Variants in STK35 observed in about 807,000 individuals in gnomAD.
The protein encoded by STK35 is serine/threonine-protein kinase 35.
Under a neutral mutation model 37.3 loss-of-function variants are expected in STK35, and 17 were observed. That is an observed-to-expected ratio of 0.46 (90% CI 0.31 to 0.68). STK35 has a LOEUF of 0.68. Among genes scored for constraint, STK35 ranks in the 30% least tolerant of loss-of-function variants. The probability of loss-of-function intolerance (pLI) is 0.05; values close to 1 mark genes in which losing one functional copy is unlikely to be tolerated. For missense variants in STK35, 595 were observed against 746.7 expected, an observed-to-expected ratio of 0.80 and a Z score of 2.37; for synonymous variants, 385 against 319.1, an observed-to-expected ratio of 1.21 and a Z score of -2.20.
At chr20:2,123,609 C>A (rs1281556268) in intron 3 of STK35, among the ~76,000 whole-genome samples, 1 of 152,196 alleles carries the variant, frequency 6.6e-6, no homozygotes, top group African/African-American at 2.4e-5. Context: ...TGTTGTTACG[C>A]ACGCTATAGC....
rs1985942081 is a variant in STK35 at position 2,128,368 on chromosome 20, T to G, written c.*37+10953T>G. 2.0e-5 allele frequency among the ~76,000 whole-genome samples: 3 copies of G among 152,166 alleles called. No homozygotes were observed. In the South Asian group the frequency reaches 6.2e-4, roughly 32 times the overall value. On this transcript the variant is annotated intron_variant, in intron 3 of 3. Transcript: ENST00000381482. ...GTCCTGGCTTCTATAATTCCATAAG[T>G]AATTGTATAATTACCTAGCACTGTG...
intron 3 of STK35, among the ~76,000 whole-genome samples, chr20:2,121,745 C>T (rs1985821438): frequency 6.6e-6 from 1 of 152,020 alleles, no homozygotes; most frequent in Admixed American, 6.6e-5. Flanking sequence ...GAAAAGACAT[C>T]AAGAGGAGGA....
intron 2 of STK35, 38 bp from the exon 3 acceptor site, chr20:2,116,628 C>T: frequency 6.3e-7 from 1 of 1,576,800 alleles, no homozygotes; most frequent in East Asian, 2.2e-5. Context: ...TGACTGTGTC[C>T]ATCTCACTCA....
rs767453015 is a variant in STK35 at position 2,117,386 on chromosome 20, G to A, written c.*8G>A. 28 of 1,580,450 alleles carry A rather than the reference G, an allele frequency of 1.8e-5. No homozygotes were observed. Among genetic ancestry groups the A allele is most frequent in the Non-Finnish European group, 2.2e-5 (25 of 1,161,062 alleles). ...GTCACATGTGCTGCTTAAAATTCAGGGCTAAGCATTTTGGGTGATTTTAAA... is the reference window on the plus strand; with the variant it reads ...GTCACATGTGCTGCTTAAAATTCAGAGCTAAGCATTTTGGGTGATTTTAAA... On this transcript the variant is annotated 3_prime_UTR_variant, in exon 3 of 4. Coordinates refer to ENST00000381482, the MANE Select transcript of STK35 (RefSeq NM_080836.4). This position sits in a 1 kb window ranked among gnomAD's most constrained non-coding sequence, Gnocchi z 4.4.
In STK35 at chr20:2,117,435, G is replaced by T. The variant is rs57420682; in HGVS notation, c.*37+20G>T. 8.4e-3 allele frequency: 11,469 copies of T among 1,371,356 alleles called. 726 individuals carry two copies. In the African/African-American group the frequency reaches 0.15, roughly 17 times the overall value. The allele number at this position is 1,371,356 out of a possible 1,614,324, so 84.9% of individuals were successfully genotyped here. Reference sequence around the variant, plus strand: ...AACTAGGTGAGTGCTCTCTGTTGTTGTTTTTTGTTTTTTGTTTTGAGACAG... The same window carrying T: ...AACTAGGTGAGTGCTCTCTGTTGTTTTTTTTTGTTTTTTGTTTTGAGACAG... On this transcript the variant is annotated intron_variant, in intron 3 of 3. Coordinates refer to ENST00000381482, the MANE Select transcript of STK35 (RefSeq NM_080836.4). This position sits in a 1 kb window ranked among gnomAD's most constrained non-coding sequence, Gnocchi z 4.4.
intron 3 of STK35, among the ~76,000 whole-genome samples, chr20:2,132,403 C>T (rs575100456): frequency 1.3e-5 from 2 of 152,350 alleles, no homozygotes; most frequent in East Asian, 1.9e-4. Flanking sequence ...GTGAAGAGTG[C>T]CTATCCCTGG....
At position 2,123,419 on chromosome 20, in the gene STK35, C is replaced by CT. The variant is rs751578819; in HGVS notation, c.*37+6005dup. Among the ~76,000 whole-genome samples the CT allele has an allele frequency of 7.2e-5, 11 of 152,270 alleles. No individual in the cohort carries two copies. The South Asian group carries it at 1.5e-3, about 20-fold the overall frequency. On this transcript the variant is annotated intron_variant, in intron 3 of 3. Transcript: ENST00000381482. The stretch of plus-strand genomic sequence containing the variant: ...GGGTGACCTGCGTTGGCCCCTTGAC[C>CT]TGCGCTTCAGATTTTACTTCTATTT...
intron 3 of STK35, among the ~76,000 whole-genome samples, chr20:2,143,346 G>A (rs1487964436): frequency 1.3e-5 from 2 of 152,232 alleles, no homozygotes; most frequent in Non-Finnish European, 2.9e-5. Context: ...GAGGGTTGCT[G>A]TGGCGTTTCT....
chr20:2,111,105 G>A (rs1048243471), intron 2 of STK35, among the ~76,000 whole-genome samples: 3 of 152,078 alleles, frequency 2.0e-5, no homozygotes, highest in African/African-American at 7.2e-5. Context: ...AAACTTCTAA[G>A]ACCTTTCACA....
At chr20:2,103,953 AG>A (rs1030655284) in intron 2 of STK35, among the ~76,000 whole-genome samples, 32 of 152,148 alleles carry the variant, frequency 2.1e-4, no homozygotes, top group African/African-American at 7.2e-4. Flanking sequence ...TGGTCCTCTG[AG>A]GGGTGCAGGC....
intron 3 of STK35, among the ~76,000 whole-genome samples, chr20:2,138,600 C>T (rs77851109): frequency 0.033 from 5,076 of 152,290 alleles, 151 homozygotes; most frequent in Middle Eastern, 0.12. Context: ...CGATAAACCT[C>T]GTGGTTACCA....
At chr20:2,130,893 C>T (rs1176184098) in intron 3 of STK35, among the ~76,000 whole-genome samples, 1 of 152,082 alleles carries the variant, frequency 6.6e-6, no homozygotes, top group East Asian at 1.9e-4. Context: ...GTTTGAATGA[C>T]AATAGAGGGC....
At chr20:2,102,736 C>T in intron 1 of STK35, 32 bp from the exon 2 acceptor site, 2 of 1,389,698 alleles carry the variant, frequency 1.4e-6, no homozygotes, top group East Asian at 3.1e-5. Context: ...CCCGCCTTGG[C>T]CTGGCCGTTT....
intron 3 of STK35, among the ~76,000 whole-genome samples, chr20:2,138,944 T>C (rs570357632): frequency 3.9e-5 from 6 of 152,314 alleles, no homozygotes; most frequent in Admixed American, 1.3e-4. Flanking sequence ...GGAGGGTTGT[T>C]GAGCCCAGGA....
intron 2 of STK35, among the ~76,000 whole-genome samples, chr20:2,108,808 A>G (rs1219393204): frequency 6.6e-6 from 1 of 152,150 alleles, no homozygotes; most frequent in East Asian, 1.9e-4. Context: ...TTTATAGTAT[A>G]AACTCTCGAG....
intron 2 of STK35, among the ~76,000 whole-genome samples, chr20:2,106,760 G>A (rs1985523442): frequency 6.6e-6 from 1 of 152,188 alleles, no homozygotes; most frequent in African/African-American, 2.4e-5. Flanking sequence ...TTGTTTGATA[G>A]CCTTAAATGC....
intron 2 of STK35, among the ~76,000 whole-genome samples, chr20:2,108,368 G>A (rs913745668): frequency 9.2e-5 from 14 of 152,062 alleles, no homozygotes; most frequent in Non-Finnish European, 1.3e-4. Context: ...AAATCAGCTG[G>A]GCGTGGTGGC....
chr20:2,128,067 C>T (rs1282766332), intron 3 of STK35, among the ~76,000 whole-genome samples: 1 of 152,098 alleles, frequency 6.6e-6, no homozygotes, highest in Non-Finnish European at 1.5e-5. Context: ...GGATGTGGTT[C>T]CCAGACCAGC....
chr20:2,103,505 C>T (rs1985450470), intron 2 of STK35, 140 bp downstream of exon 2: 1 of 782,692 alleles, frequency 1.3e-6, no homozygotes, highest in Non-Finnish European at 2.0e-6. Flanking sequence ...CCCTCCTTTC[C>T]TGGGCCCAGG....
Sources: allele counts gnomAD v4.1 joint callset (sites outside exome capture counted in the v4.1 genomes callset), GRCh38; gene constraint gnomAD v4.1.1; non-coding constraint Gnocchi (gnomAD v3.1); transcripts MANE v1.5; gene names NCBI Gene and HGNC (gene_info 2026-07-23, HGNC 2026-07-21).